PTPRD: variants seen among roughly 807,000 people sequenced by gnomAD.
PTPRD encodes protein tyrosine phosphatase receptor type D.
In PTPRD, 34 loss-of-function variants were observed where a neutral mutation model predicts 214.5. The observed-to-expected ratio is 0.16, with a 90% CI of 0.12 to 0.21. PTPRD has a LOEUF of 0.21. PTPRD is among the 10% of genes least tolerant of loss of function. The pLI, the probability that PTPRD is intolerant of heterozygous loss-of-function variation, is 1.00. For synonymous variants in PTPRD, 1,128 were observed against 845.7 expected, an observed-to-expected ratio of 1.33 and a Z score of -5.79; for missense variants, 2,545 against 2,398.7, an observed-to-expected ratio of 1.06 and a Z score of -1.27.
intron 8 of PTPRD, among the ~76,000 whole-genome samples, chr9:9,524,708 A>G (rs75067379): frequency 0.012 from 1,843 of 152,300 alleles, 27 homozygotes; most frequent in African/African-American, 0.041. Flanking sequence ...TGACTGTATT[A>G]TCTTTGATAT....
chr9:9,207,828 G>A (rs748675057), intron 9 of PTPRD, among the ~76,000 whole-genome samples: 1 of 151,838 alleles, frequency 6.6e-6, no homozygotes, highest in East Asian at 1.9e-4. Flanking sequence ...TGGCAGGTTG[G>A]TTGAATAAAT....
At chr9:10,217,203 T>C (rs981123452) in intron 3 of PTPRD, among the ~76,000 whole-genome samples, 1 of 151,852 alleles carries the variant, frequency 6.6e-6, no homozygotes, top group African/African-American at 2.4e-5. Context: ...CATGTTTAAA[T>C]GATTTAGATT....
chr9:9,136,105 G>A (rs537634589), intron 10 of PTPRD, among the ~76,000 whole-genome samples: 43 of 152,202 alleles, frequency 2.8e-4, no homozygotes, highest in Non-Finnish European at 1.5e-5. Context: ...TACCGTCATA[G>A]TATAGAAAGG....
At chr9:9,629,205 G>T (rs112014514) in intron 7 of PTPRD, among the ~76,000 whole-genome samples, 2,303 of 137,328 alleles carry the variant, frequency 0.017, 59 homozygotes, top group African/African-American at 0.066. Flanking sequence ...ATTAAAAAAT[G>T]AAAATTCTGG....
chr9:10,017,196 T>C (rs947279432), intron 4 of PTPRD, among the ~76,000 whole-genome samples: 1 of 152,218 alleles, frequency 6.6e-6, no homozygotes, highest in African/African-American at 2.4e-5. Context: ...TTAATTATTG[T>C]GTTTAATTTG....
At chr9:10,253,382 T>C (rs183007324) in intron 3 of PTPRD, among the ~76,000 whole-genome samples, 99 of 152,294 alleles carry the variant, frequency 6.5e-4, no homozygotes, top group Non-Finnish European at 1.2e-3. Flanking sequence ...TGAAGAAAGT[T>C]CTGACTCTTT....
At chr9:9,147,452 C>G (rs2099870582) in intron 10 of PTPRD, among the ~76,000 whole-genome samples, 1 of 152,022 alleles carries the variant, frequency 6.6e-6, no homozygotes, top group African/African-American at 2.4e-5. Context: ...TACTTATTCT[C>G]TCCTTCTAAG....
intron 12 of PTPRD, chr9:8,700,794 A>G (rs926199701): frequency 2.0e-5 from 3 of 152,240 alleles, no homozygotes. Flanking sequence ...AACACTAGTA[A>G]TATTCATTCA....
At chr9:8,630,139 T>A (rs1158712138) in intron 14 of PTPRD, among the ~76,000 whole-genome samples, 1 of 151,796 alleles carries the variant, frequency 6.6e-6, no homozygotes, top group African/African-American at 2.4e-5. Flanking sequence ...CTGGCACATT[T>A]TTGGCATTTG....
At chr9:10,141,899 C>T (rs75865556) in intron 3 of PTPRD, among the ~76,000 whole-genome samples, 8,831 of 152,114 alleles carry the variant, frequency 0.058, 389 homozygotes, top group Admixed American at 0.13. Flanking sequence ...GGTACCAAAA[C>T]AGCATGGTAC....
At chr9:10,060,907 T>C (rs866627872) in intron 3 of PTPRD, among the ~76,000 whole-genome samples, 7 of 97,680 alleles carry the variant, frequency 7.2e-5, no homozygotes, top group African/African-American at 2.0e-4. Context: ...CTTCTTTCTT[T>C]CTTTCTTTCT....
chr9:9,543,875 T>C (rs1221116262), intron 8 of PTPRD, among the ~76,000 whole-genome samples: 1 of 151,666 alleles, frequency 6.6e-6, no homozygotes, highest in Non-Finnish European at 1.5e-5. Flanking sequence ...GTTAAAACAA[T>C]TTGTGTTTAT....
chr9:8,319,371 C>A (rs758579356), intron 45 of PTPRD, among the ~76,000 whole-genome samples: 2 of 151,732 alleles, frequency 1.3e-5, no homozygotes, highest in Non-Finnish European at 2.9e-5. Flanking sequence ...TAGGCTTATC[C>A]AGAATCAAAA....
At chr9:8,663,639 C>T (rs1180508986) in intron 12 of PTPRD, among the ~76,000 whole-genome samples, 1 of 151,930 alleles carries the variant, frequency 6.6e-6, no homozygotes, top group East Asian at 1.9e-4. Flanking sequence ...TTACAGGCAC[C>T]TACCACCACA....
intron 3 of PTPRD, among the ~76,000 whole-genome samples, chr9:10,335,109 G>A (rs534202191): frequency 2.0e-5 from 3 of 151,752 alleles, no homozygotes; most frequent in South Asian, 2.1e-4. Flanking sequence ...ACATGTAGAA[G>A]CAAAAACCCA....
chr9:8,638,840 A>T (rs1313547202), intron 12 of PTPRD, among the ~76,000 whole-genome samples: 1 of 151,944 alleles, frequency 6.6e-6, no homozygotes. Flanking sequence ...TTTTTTATTT[A>T]TTTTTATTTA....
intron 5 of PTPRD, among the ~76,000 whole-genome samples, chr9:9,911,373 C>T (rs899892186): frequency 3.3e-5 from 5 of 152,018 alleles, no homozygotes; most frequent in African/African-American, 9.7e-5. Flanking sequence ...TGTTTGAATG[C>T]AAATGTGCAT....
chr9:8,634,947 C>T (rs1372078923), intron 13 of PTPRD, among the ~76,000 whole-genome samples: 1 of 151,230 alleles, frequency 6.6e-6, no homozygotes, highest in East Asian at 1.9e-4. Flanking sequence ...ATGGACCAGA[C>T]ACCATACTTA....
chr9:9,412,944 G>C (rs1046810475), intron 8 of PTPRD, among the ~76,000 whole-genome samples: 1 of 151,904 alleles, frequency 6.6e-6, no homozygotes, highest in Non-Finnish European at 1.5e-5. Flanking sequence ...GATCAATGGA[G>C]GGATATAGTT....
Sources: gnomAD v4.1 joint callset for allele counts (sites outside exome capture counted in the v4.1 genomes callset) on GRCh38, gnomAD v4.1.1 for gene constraint, MANE v1.5 for transcripts, NCBI Gene and HGNC (gene_info 2026-07-23, HGNC 2026-07-21) for gene names.